The following NRIP1 variants were observed in gnomAD, a reference collection of about 807,000 sequenced individuals.
NRIP1 encodes nuclear receptor-interacting protein 1.
NRIP1 carries 28 observed loss-of-function variants against 75.0 expected under a neutral mutation model. The ratio of observed to expected loss-of-function variants is 0.37; its 90% CI spans 0.28 to 0.51. NRIP1 has a LOEUF of 0.51. NRIP1 is among the 20% of genes least tolerant of loss of function. The pLI is 0.92. For missense variants in NRIP1, 1,435 were observed against 1,343.7 expected (o/e 1.07, Z -1.06); for synonymous variants, 526 against 487.6 (o/e 1.08, Z -1.04).
chr21:15,027,724 A>G (rs954005426), intron 2 of NRIP1, among the ~76,000 whole-genome samples: 2 of 152,200 alleles, frequency 1.3e-5, no homozygotes, highest in Admixed American at 1.3e-4. Context: ...AGAAATAGGT[A>G]AACTGGAGTA....
intron 3 of NRIP1, among the ~76,000 whole-genome samples, chr21:14,987,165 C>T (rs1294436048): frequency 1.3e-5 from 2 of 152,182 alleles, no homozygotes; most frequent in African/African-American, 2.4e-5. Context: ...CATTTACCAA[C>T]TCTTTGATCA....
chr21:14,969,472 T>G (rs2086847235), intron 3 of NRIP1, among the ~76,000 whole-genome samples: 1 of 152,188 alleles, frequency 6.6e-6, no homozygotes, highest in Non-Finnish European at 1.5e-5. Context: ...AAATTTCCTA[T>G]CACTAACACA....
intron 1 of NRIP1, among the ~76,000 whole-genome samples, chr21:15,063,553 A>G (rs1978520963): frequency 6.6e-6 from 1 of 152,198 alleles, no homozygotes. Flanking sequence ...TTGCTTCACA[A>G]ATTCCCCCAA....
chr21:14,986,214 G>A (rs2087398472), intron 3 of NRIP1, among the ~76,000 whole-genome samples: 1 of 152,158 alleles, frequency 6.6e-6, no homozygotes, highest in African/African-American at 2.4e-5. Flanking sequence ...AAGTATGAAT[G>A]TTCAATGAAT....
intron 2 of NRIP1, among the ~76,000 whole-genome samples, chr21:15,019,268 G>A (rs901441052): frequency 6.7e-5 from 10 of 149,716 alleles, no homozygotes; most frequent in African/African-American, 2.4e-4. Context: ...CCTAAGATCT[G>A]AAGAAGACAA....
chr21:15,060,008 G>A (rs184917533), intron 1 of NRIP1, among the ~76,000 whole-genome samples: 7 of 151,766 alleles, frequency 4.6e-5, no homozygotes, highest in Admixed American at 3.3e-4. Flanking sequence ...TTTATGTTTC[G>A]GGTGCATTTT....
At chr21:15,046,621 C>T (rs2147342997) in intron 1 of NRIP1, among the ~76,000 whole-genome samples, 1 of 152,276 alleles carries the variant, frequency 6.6e-6, no homozygotes, top group East Asian at 1.9e-4. Context: ...TCAGTTTGTC[C>T]TTTGAGGTTC....
In NRIP1 at chr21:14,967,800, T is replaced by G. The variant is rs760121314; in HGVS notation, c.393A>C (p.Thr131=). Residue 131 remains threonine, a synonymous_variant, in exon 4 of 4, where the codon ACA becomes ACC. Transcript: ENST00000318948. The part of the protein sequence containing the change: ...DSVPKGKQDS[T]LLASLLQSFS... ...ATGACTGAAGCAAAGAGGCCAGTAA[T>G]GTGCTATCCTGTTTGCCTTTAGGCA... is the stretch of plus-strand genomic sequence containing the variant. 4.3e-6 allele frequency: 7 copies of G among 1,614,060 alleles called. No homozygotes were observed. In the East Asian group the frequency reaches 1.6e-4, roughly 36 times the overall value.
intron 2 of NRIP1, among the ~76,000 whole-genome samples, chr21:15,034,449 A>G (rs1450876312): frequency 2.0e-5 from 3 of 152,218 alleles, no homozygotes; most frequent in Non-Finnish European, 4.4e-5. Flanking sequence ...ACGAAAAGCA[A>G]GTCCATGTGG....
chr21:14,976,175 A>C (rs541445440), intron 3 of NRIP1, among the ~76,000 whole-genome samples: 2 of 152,304 alleles, frequency 1.3e-5, no homozygotes, highest in African/African-American at 4.8e-5. Flanking sequence ...ATTAATTTAA[A>C]ATTGTTTATA....
At chr21:15,015,409 G>T (rs921272726) in intron 2 of NRIP1, among the ~76,000 whole-genome samples, 1 of 152,022 alleles carries the variant, frequency 6.6e-6, no homozygotes, top group African/African-American at 2.4e-5. Context: ...CGATAAAACT[G>T]TAACAAAAAT....
At chr21:15,016,600 G>A (rs2088235938) in intron 2 of NRIP1, among the ~76,000 whole-genome samples, 1 of 152,050 alleles carries the variant, frequency 6.6e-6, no homozygotes, top group Non-Finnish European at 1.5e-5. Flanking sequence ...ATTTGAGAAT[G>A]CTGGCCGGGC....
rs1313942570 is a variant in NRIP1 at position 14,967,573 on chromosome 21, G to T, written c.620C>A (p.Thr207Asn). 3.1e-6 allele frequency: 5 copies of T among 1,613,972 alleles called. No individual in the cohort carries two copies. Among genetic ancestry groups the T allele is most frequent in the Non-Finnish European group, 4.2e-6 (5 of 1,180,010 alleles). ...QKPDTNLPDVTKNLIRDRFAE... is the reference protein window; with the variant it reads ...QKPDTNLPDVNKNLIRDRFAE... ...AAACCTATCTCTGATGAGGTTTTTA[G>T]TCACATCAGGAAGATTCGTATCAGG... The change falls in exon 4 of 4, where the codon ACT becomes AAT. Residue 207 changes from threonine to asparagine, a missense_variant. Transcript: ENST00000318948.
Position 14,968,235 on chromosome 21 carries a change from T to A in NRIP1, c.-43A>T. 1 of 1,399,992 alleles carries A rather than the reference T, an allele frequency of 7.1e-7. No homozygotes were observed. Among genetic ancestry groups the A allele is most frequent in the Non-Finnish European group, 9.8e-7 (1 of 1,018,296 alleles). 86.7% of individuals were successfully genotyped at this position (1,399,992 alleles called of 1,614,324 possible). ...ACAAGGGCTTGGTTTCTATTCACTT[T>A]AAAGAATGGTTTTCTGTGGTGAGTG... On this transcript the variant is annotated 5_prime_UTR_variant, in exon 4 of 4. Coordinates refer to ENST00000318948, the MANE Select transcript of NRIP1 (RefSeq NM_003489.4).
intron 3 of NRIP1, among the ~76,000 whole-genome samples, chr21:14,988,589 GTAAT>G (rs970406828): frequency 2.0e-5 from 3 of 151,482 alleles, no homozygotes; most frequent in African/African-American, 7.3e-5. Context: ...AATAATCTAG[GTAAT>G]TAATTCTTTC....
chr21:15,001,507 C>T (rs527314141), intron 3 of NRIP1, among the ~76,000 whole-genome samples: 12 of 151,932 alleles, frequency 7.9e-5, no homozygotes, highest in Non-Finnish European at 1.6e-4. Context: ...ATTAAGTAAC[C>T]TCAAATAACC....
Position 14,967,036 on chromosome 21 carries a change from C to T in NRIP1, c.1157G>A (p.Ser386Asn). The T allele has an allele frequency of 6.2e-7, 1 of 1,614,158 alleles. No homozygotes were observed. ...NNSLLLHLLK[S>N]QTIPKPMNGH... ...ATTCATTGGCTTAGGTATAGTCTGG[C>T]TTTTAAGAAGATGTAAAAGCAAACT... The change falls in exon 4 of 4, where the codon AGC becomes AAC. Residue 386 changes from serine (S) to asparagine (N), a missense_variant. Transcript: ENST00000318948.
rs762516522 is a variant in NRIP1, at chr21:14,966,760, A to T, written c.1433T>A (p.Val478Glu). 2.5e-6 allele frequency: 4 copies of T among 1,614,108 alleles called. No homozygotes were observed. The highest frequency in any genetic ancestry group is 2.5e-6 in the Non-Finnish European group (3 of 1,179,996). ...LNTWDPKVPD[V>E]DIKEDQDTSK... ...GGTATCTTGATCTTCTTTGATATCT[A>T]CATCTGGGACTTTTGGATCCCAAGT... The change falls in exon 4 of 4, where the codon GTA (valine) becomes GAA (glutamate). Residue 478 changes from valine to glutamate, a missense_variant. By Grantham distance (121) the Val-to-Glu change is moderately radical (BLOSUM62 -2). Coordinates refer to ENST00000318948, the MANE Select transcript of NRIP1 (RefSeq NM_003489.4).
At chr21:15,050,642 C>A in intron 1 of NRIP1, 1 of 432,860 alleles carries the variant, frequency 2.3e-6, no homozygotes. Flanking sequence ...CACGTGACCA[C>A]AGTAAATCCT....
Sources: allele counts gnomAD v4.1 joint callset (sites outside exome capture counted in the v4.1 genomes callset), GRCh38; gene constraint gnomAD v4.1.1; transcripts MANE v1.5; gene names NCBI Gene and HGNC (gene_info 2026-07-23, HGNC 2026-07-21).